The following TBX1 variants were observed in gnomAD, a reference collection of about 807,000 sequenced individuals.
The protein encoded by TBX1 is T-box transcription factor TBX1.
Under a neutral mutation model 40.8 loss-of-function variants are expected in TBX1, and 16 were observed. That is an observed-to-expected ratio of 0.39 (90% CI 0.27 to 0.60). TBX1 has a LOEUF of 0.60. TBX1 is among the 20% of genes least tolerant of loss of function. The pLI is 0.51. For missense variants in TBX1, 755 were observed against 728.5 expected (o/e 1.04, Z -0.42); for synonymous variants, 403 against 336.8 (o/e 1.20, Z -2.15).
At chr22:19,771,338 A>G (rs1050958905), downstream of TBX1, among the ~76,000 whole-genome samples, 2 of 152,162 alleles carry the variant, frequency 1.3e-5, no homozygotes, top group Non-Finnish European at 2.9e-5. Context: ...CTTTGATTCA[A>G]TTCCCTTTCC....
At chr22:19,763,215 G>A (rs1936723549) in intron 1 of TBX1, 26 bp from the exon 2 acceptor site, 2 of 1,605,284 alleles carry the variant, frequency 1.2e-6, no homozygotes, top group African/African-American at 2.7e-5. Context: ...ACCAGCTAGG[G>A]TGACCCAAGG....
At chr22:19,768,691 A>G (rs1410480699), downstream of TBX1, among the ~76,000 whole-genome samples, 1 of 152,144 alleles carries the variant, frequency 6.6e-6, no homozygotes, top group Non-Finnish European at 1.5e-5. Context: ...TCCGTACTCC[A>G]CATCCAGGAT....
chr22:19,765,007 A>G lies in TBX1; in HGVS notation c.761A>G (p.Tyr254Cys), dbSNP rs533732094. ...TACCAGCCCCGCTTCCACGTGGTCT[A>G]TGTGGACCCACGCAAAGATAGCGAG... is the stretch of plus-strand genomic sequence containing the variant. The part of the protein sequence containing the change: ...HRYQPRFHVV[Y>C]VDPRKDSEKY... The change falls in exon 4 of 7, where the codon TAT becomes TGT. Residue 254 changes from tyrosine (Y) to cysteine (C), a missense_variant. Physicochemically the swap from Tyr to Cys is radical, Grantham distance 194 (BLOSUM62 -2). Around this residue, in one of 3 missense-constraint regions of TBX1, gnomAD observed 144 missense variants for 238.0 expected, o/e 0.61. Coordinates refer to ENST00000649276, the MANE Select transcript of TBX1 (RefSeq NM_001379200.1). 1.2e-6 allele frequency: 2 copies of G among 1,614,184 alleles called. No homozygotes were observed. Among genetic ancestry groups the G allele is most frequent in the East Asian group, 2.2e-5 (1 of 44,884 alleles).
downstream of TBX1, among the ~76,000 whole-genome samples, chr22:19,768,039 A>C (rs1436978563): frequency 6.6e-6 from 1 of 152,126 alleles, no homozygotes; most frequent in Non-Finnish European, 1.5e-5. Context: ...TCTCCCCGTT[A>C]ACTCAACACC....
At chr22:19,779,698 C>T (rs1282163858), downstream of TBX1, among the ~76,000 whole-genome samples, 1 of 152,226 alleles carries the variant, frequency 6.6e-6, no homozygotes, top group Non-Finnish European at 1.5e-5. Context: ...CATATCTGAT[C>T]CAAAAATGCC....
At chr22:19,766,319 C>A (rs1210136453) in intron 6 of TBX1, 70 bp from the exon 7 acceptor site, 151 of 1,225,746 alleles carry the variant, frequency 1.2e-4, no homozygotes, top group Middle Eastern at 6.4e-4. Flanking sequence ...TCCGCCAGGG[C>A]CTCGCATGGG....
At chr22:19,759,666 G>A (rs1248363885), upstream of TBX1, 1 of 1,612,472 alleles carries the variant, frequency 6.2e-7, no homozygotes, top group African/African-American at 1.3e-5. Flanking sequence ...ACCGTCACCA[G>A]GGACATGGAA....
At chr22:19,768,916 G>A (rs41299920), downstream of TBX1, among the ~76,000 whole-genome samples, 1,739 of 149,842 alleles carry the variant, frequency 0.012, 28 homozygotes, top group South Asian at 0.043. Flanking sequence ...CAGCCGTCCA[G>A]CAGGGCCGCC....
downstream of TBX1, chr22:19,779,591 G>A: frequency 4.3e-6 from 6 of 1,405,592 alleles, no homozygotes; most frequent in Non-Finnish European, 5.6e-6. Flanking sequence ...ATCAAAACTT[G>A]TTGGATAAAA....
downstream of TBX1, among the ~76,000 whole-genome samples, chr22:19,780,045 CTA>C (rs1185381923): frequency 3.9e-5 from 6 of 152,232 alleles, no homozygotes; most frequent in Non-Finnish European, 1.5e-5. Flanking sequence ...AAAATGAGAA[CTA>C]TGTCAGGTGA....
At chr22:19,760,688 C>CGGGGGG (rs1936622130), upstream of TBX1, among the ~76,000 whole-genome samples, 2 of 716 alleles carry the variant, frequency 2.8e-3, no homozygotes, top group South Asian at 0.1. Flanking sequence ...GGTGGGGGGG[C>CGGGGGG]CCCGGGCGGG....
At chr22:19,759,776 T>G (rs1601280236), upstream of TBX1, 1 of 1,366,940 alleles carries the variant, frequency 7.3e-7, no homozygotes. Context: ...CAGCTCTTGG[T>G]AGCGTGGGCT....
At chr22:19,780,776 G>GGTTTTTTTTTTT (rs1555898567), downstream of TBX1, among the ~76,000 whole-genome samples, 1 of 119,104 alleles carries the variant, frequency 8.4e-6, no homozygotes, top group African/African-American at 3.4e-5. Flanking sequence ...CTTGTTTTCT[G>GGTTTTTTTTTTT]TTTTTTTTTT....
chr22:19,776,044 C>T (rs1166965885), intron 8 of TBX1, among the ~76,000 whole-genome samples: 2 of 152,152 alleles, frequency 1.3e-5, no homozygotes, highest in South Asian at 2.1e-4. Context: ...CACCGGCTCC[C>T]GAGTGGAAGG....
Position 19,766,455 on chromosome 22 carries a change from C to A in TBX1, c.1103C>A (p.Ala368Glu), listed in dbSNP as rs1157536437. The A allele has an allele frequency of 1.5e-6, 2 of 1,327,922 alleles. No individual in the cohort carries two copies. Among genetic ancestry groups the A allele is most frequent in the African/African-American group, 1.5e-5 (1 of 64,738 alleles). 82.3% of individuals were successfully genotyped at this position (1,327,922 alleles called of 1,614,324 possible). A position where few individuals can be genotyped will look rare whatever the true frequency, so the allele number is the denominator to read the frequency against. The change falls in exon 7 of 7, where the codon GCG becomes GAG. Residue 368 changes from alanine (A) to glutamate (E), a missense_variant. Ala to Glu is a moderately radical substitution (Grantham distance 107, BLOSUM62 -1). This residue lies in a region of TBX1 where 412 missense variants were observed against 317.6 expected (regional missense o/e 1.30). Transcript: ENST00000649276. ...AGGPAVLGDP[A>E]HPPQLLARVL... is the part of the protein sequence containing the mutation. ...GGGCCAGCAGTGCTCGGGGACCCGG[C>A]GCATCCTCCGCAGCTGCTGGCCCGG...
downstream of TBX1, among the ~76,000 whole-genome samples, chr22:19,768,116 C>T (rs41299360): frequency 6.6e-6 from 1 of 152,186 alleles, no homozygotes; most frequent in African/African-American, 2.4e-5. Context: ...GGCTGACAGC[C>T]GGTCAGCGCC....
At chr22:19,778,003 T>C (rs1482787441) in intron 8 of TBX1, among the ~76,000 whole-genome samples, 1 of 152,052 alleles carries the variant, frequency 6.6e-6, no homozygotes, top group Non-Finnish European at 1.5e-5. Flanking sequence ...CAAGTGATCC[T>C]CTTGCCTTGG....
At chr22:19,778,709 G>A (rs1255630835) in intron 8 of TBX1, among the ~76,000 whole-genome samples, 1 of 152,112 alleles carries the variant, frequency 6.6e-6, no homozygotes, top group Non-Finnish European at 1.5e-5. Context: ...TTCTGGGATT[G>A]TAGGCATGAG....
chr22:19,762,237 C>T (rs952659009), intron 1 of TBX1, among the ~76,000 whole-genome samples: 2 of 152,238 alleles, frequency 1.3e-5, no homozygotes, highest in African/African-American at 2.4e-5. Context: ...GCCTTGTCGG[C>T]GCTGGGCTTC....
Sources: gnomAD v4.1 joint callset for allele counts (sites outside exome capture counted in the v4.1 genomes callset) on GRCh38, gnomAD v4.1.1 for gene constraint, gnomAD v4.1.1 regional missense constraint, MANE v1.5 for transcripts, NCBI Gene and HGNC (gene_info 2026-07-23, HGNC 2026-07-21) for gene names.